The following CAAP1 variants were observed in gnomAD, a reference collection of about 807,000 sequenced individuals.
CAAP1 encodes the protein caspase activity and apoptosis inhibitor 1.
CAAP1 carries 20 observed loss-of-function variants against 34.0 expected under a neutral mutation model. That is an observed-to-expected ratio of 0.59 (90% CI 0.41 to 0.86). The LOEUF is 0.86. Among genes scored for constraint, CAAP1 ranks in the 40% least tolerant of loss-of-function variants. The probability of loss-of-function intolerance (pLI) is 0.00; values close to 1 mark genes in which losing one functional copy is unlikely to be tolerated. For synonymous variants in CAAP1, 213 were observed against 166.7 expected (o/e 1.28, Z -2.14); for missense variants, 538 against 450.5 (o/e 1.19, Z -1.76).
chr9:26,847,372 G>A (rs1204450747), intron 5 of CAAP1, among the ~76,000 whole-genome samples: 2 of 151,256 alleles, frequency 1.3e-5, no homozygotes, highest in African/African-American at 2.4e-5. Flanking sequence ...CCGCCACCAC[G>A]CCCAGCTAAT....
Position 26,863,254 on chromosome 9 carries a change from G to C in CAAP1, c.666-2115C>G, listed in dbSNP as rs1470122988. Among the ~76,000 whole-genome samples, 3 of 152,072 alleles carry C rather than the reference G, an allele frequency of 2.0e-5. No individual in the cohort carries two copies. In the South Asian group the frequency reaches 6.2e-4, roughly 32 times the overall value. ...ATTAGGCTGTTGAAGTCGCCAAACAGAATTTCAGACAGTAAGTATTTTACA... is the reference window on the plus strand; with the variant it reads ...ATTAGGCTGTTGAAGTCGCCAAACACAATTTCAGACAGTAAGTATTTTACA... On this transcript the variant is annotated intron_variant, in intron 4 of 5. Transcript: ENST00000333916.
At chr9:26,850,711 A>C (rs888460891) in intron 5 of CAAP1, among the ~76,000 whole-genome samples, 1 of 152,252 alleles carries the variant, frequency 6.6e-6, no homozygotes, top group African/African-American at 2.4e-5. Context: ...TCTATGATGC[A>C]GTTATAATGG....
In CAAP1 at chr9:26,886,085, T is replaced by C. The variant is rs765583197; in HGVS notation, c.589+19A>G. ...TATTAACTAAGAAGTTGCCAGAATGTAAAAATATGTATTCTTACCCTCAAG... is the reference window on the plus strand; with the variant it reads ...TATTAACTAAGAAGTTGCCAGAATGCAAAAATATGTATTCTTACCCTCAAG... On this transcript the variant is annotated intron_variant, in intron 3 of 5. Coordinates refer to ENST00000333916, the MANE Select transcript of CAAP1 (RefSeq NM_024828.4). The C allele has an allele frequency of 1.3e-5, 17 of 1,358,338 alleles. No homozygotes were observed. The South Asian group carries it at 2.2e-4, about 17-fold the overall frequency. 84.1% of individuals were successfully genotyped at this position (1,358,338 alleles called of 1,614,324 possible). A position where few individuals can be genotyped will look rare whatever the true frequency, so the allele number is the denominator to read the frequency against.
intron 5 of CAAP1, among the ~76,000 whole-genome samples, chr9:26,856,866 A>G (rs540756225): frequency 1.3e-5 from 2 of 152,344 alleles, no homozygotes; most frequent in South Asian, 4.1e-4. Context: ...AATTTCTCTC[A>G]TGAAAACTTC....
intron 4 of CAAP1, among the ~76,000 whole-genome samples, chr9:26,877,976 T>C (rs1823485419): frequency 1.3e-5 from 2 of 152,148 alleles, no homozygotes; most frequent in Non-Finnish European, 2.9e-5. Context: ...GGATTCCTAC[T>C]TATTATACAT....
At chr9:26,843,781 T>C (rs1271808887) in intron 5 of CAAP1, among the ~76,000 whole-genome samples, 2 of 152,048 alleles carry the variant, frequency 1.3e-5, no homozygotes, top group African/African-American at 4.8e-5. Context: ...TTATAATCAA[T>C]GATGATTTAC....
At chr9:26,850,324 G>C (rs548919546) in intron 5 of CAAP1, among the ~76,000 whole-genome samples, 32 of 152,248 alleles carry the variant, frequency 2.1e-4, no homozygotes, top group African/African-American at 7.0e-4. Flanking sequence ...TACGTGGGCA[G>C]AGTGGGGGTT....
chr9:26,844,015 C>G (rs959765684), intron 5 of CAAP1, among the ~76,000 whole-genome samples: 1 of 152,086 alleles, frequency 6.6e-6, no homozygotes, highest in East Asian at 1.9e-4. Context: ...TAAAACCTTT[C>G]AAGAAACAAT....
At chr9:26,864,530 C>T (rs12346262) in intron 4 of CAAP1, among the ~76,000 whole-genome samples, 1,597 of 152,238 alleles carry the variant, frequency 0.01, 18 homozygotes, top group African/African-American at 0.031. Flanking sequence ...ATAAATCAAA[C>T]GATCAGTTAC....
At chr9:26,847,764 C>T (rs1822653258) in intron 5 of CAAP1, among the ~76,000 whole-genome samples, 2 of 151,748 alleles carry the variant, frequency 1.3e-5, no homozygotes, top group South Asian at 4.1e-4. Flanking sequence ...TAACATTTAG[C>T]TAAATCTGTT....
At chr9:26,877,980 T>G (rs193090727) in intron 4 of CAAP1, among the ~76,000 whole-genome samples, 7 of 152,256 alleles carry the variant, frequency 4.6e-5, no homozygotes, top group Admixed American at 1.3e-4. Context: ...TCCTACTTAT[T>G]ATACATGAGG....
At chr9:26,885,021 A>C (rs1823696939) in intron 3 of CAAP1, 136 bp from the exon 4 acceptor site, 1 of 585,990 alleles carries the variant, frequency 1.7e-6, no homozygotes, top group South Asian at 2.3e-5. Context: ...TAAATTTTTA[A>C]TTGCTTGTAT....
chr9:26,874,393 TCTAC>T (rs1823370249), intron 4 of CAAP1, among the ~76,000 whole-genome samples: 1 of 152,030 alleles, frequency 6.6e-6, no homozygotes, highest in African/African-American at 2.4e-5. Context: ...AATCTTCTCT[TCTAC>T]CTATTTTGAA....
rs1183691103 is a variant in CAAP1 at position 26,887,461 on chromosome 9, T to C, written c.356A>G (p.His119Arg). 1 of 1,612,588 alleles carries C rather than the reference T, an allele frequency of 6.2e-7. No homozygotes were observed. The highest frequency in any genetic ancestry group is 1.3e-5 in the African/African-American group (1 of 74,982). Reference sequence around the variant, plus strand: ...CAGTCCACCTTCTTCAAGGTCACTGTGCTCTGCCAAGAATAATTCTTTTTC... The same window carrying C: ...CAGTCCACCTTCTTCAAGGTCACTGCGCTCTGCCAAGAATAATTCTTTTTC... ...TLEKELFLAE[H>R]SDLEEGGLDL... Residue 119 changes from histidine to arginine, a missense_variant, in exon 2 of 6, where the codon CAC (histidine) becomes CGC (arginine). By Grantham distance (29) the His-to-Arg change is conservative. Transcript: ENST00000333916.
At chr9:26,890,293 C>T (rs1219592821) in intron 1 of CAAP1, among the ~76,000 whole-genome samples, 2 of 151,784 alleles carry the variant, frequency 1.3e-5, no homozygotes, top group African/African-American at 4.8e-5. Context: ...ATTACTTGAA[C>T]CTGGCAGGCG....
intron 4 of CAAP1, among the ~76,000 whole-genome samples, chr9:26,864,988 G>T (rs1823097895): frequency 6.6e-6 from 1 of 152,152 alleles, no homozygotes; most frequent in Admixed American, 6.6e-5. Flanking sequence ...AGAACATTAA[G>T]TGGTGTCCAG....
intron 4 of CAAP1, among the ~76,000 whole-genome samples, chr9:26,871,005 A>C (rs1230768432): frequency 6.6e-6 from 1 of 152,116 alleles, no homozygotes; most frequent in Non-Finnish European, 1.5e-5. Flanking sequence ...GAGCACAGTA[A>C]ATTTTACTCA....
intron 4 of CAAP1, among the ~76,000 whole-genome samples, chr9:26,879,837 C>T (rs191029214): frequency 6.6e-6 from 1 of 152,326 alleles, no homozygotes; most frequent in East Asian, 1.9e-4. Flanking sequence ...GAGGACTGCA[C>T]TGTCGGCTTC....
At chr9:26,871,370 G>C (rs193224718) in intron 4 of CAAP1, among the ~76,000 whole-genome samples, 71 of 152,174 alleles carry the variant, frequency 4.7e-4, no homozygotes, top group Non-Finnish European at 9.0e-4. Context: ...CTGAGTTCAG[G>C]AGTTAGAGAC....
Sources: allele counts gnomAD v4.1 joint callset (sites outside exome capture counted in the v4.1 genomes callset), GRCh38; gene constraint gnomAD v4.1.1; transcripts MANE v1.5; gene names NCBI Gene and HGNC (gene_info 2026-07-23, HGNC 2026-07-21).